Variants in RARB observed in about 807,000 individuals in gnomAD.
RARB encodes HBV-activated protein.
Under a neutral mutation model 51.9 loss-of-function variants are expected in RARB, and 17 were observed. The observed-to-expected ratio is 0.33, with a 90% CI of 0.22 to 0.49. RARB has a LOEUF of 0.49. Ranked by LOEUF, RARB falls within the 20% of genes least tolerant of loss-of-function variation. RARB has a pLI of 0.99. For synonymous variants in RARB, 215 were observed against 195.4 expected (o/e 1.10, Z -0.84); for missense variants, 369 against 550.8 (o/e 0.67, Z 3.30).
intron 5 of RARB, among the ~76,000 whole-genome samples, chr3:25,400,801 G>T (rs1707243085): frequency 6.6e-6 from 1 of 151,950 alleles, no homozygotes; most frequent in Non-Finnish European, 1.5e-5. Flanking sequence ...TTTTACTTCT[G>T]GCTGGGATGG....
At chr3:25,297,496 A>G (rs1431434196) in intron 5 of RARB, among the ~76,000 whole-genome samples, 1 of 144,278 alleles carries the variant, frequency 6.9e-6, no homozygotes. Flanking sequence ...TGCTTCCTCC[A>G]CAGAGATGTA....
chr3:25,325,318 A>C (rs1220419864), intron 5 of RARB, among the ~76,000 whole-genome samples: 1 of 152,042 alleles, frequency 6.6e-6, no homozygotes, highest in African/African-American at 2.4e-5. Flanking sequence ...TTTCATGGCC[A>C]TCTTGGTTTT....
intron 3 of RARB, among the ~76,000 whole-genome samples, chr3:25,523,788 G>A (rs775156648): frequency 1.2e-4 from 19 of 152,110 alleles, no homozygotes; most frequent in Non-Finnish European, 2.8e-4. Context: ...GGAGCTAAAG[G>A]GGGAAAAAAT....
intron 2 of RARB, among the ~76,000 whole-genome samples, chr3:24,997,844 A>G (rs1342178569): frequency 6.6e-6 from 1 of 152,192 alleles, no homozygotes; most frequent in East Asian, 1.9e-4. Flanking sequence ...CAGTCTACAT[A>G]TATGCATTAT....
chr3:24,868,072 G>C (rs74810292), intron 2 of RARB, among the ~76,000 whole-genome samples: 2 of 152,146 alleles, frequency 1.3e-5, no homozygotes, highest in African/African-American at 2.4e-5. Flanking sequence ...TGATATCCGA[G>C]TTGTAAGAAC....
chr3:25,467,772 A>G (rs1445868415), intron 2 of RARB, among the ~76,000 whole-genome samples: 1 of 152,206 alleles, frequency 6.6e-6, no homozygotes, highest in Non-Finnish European at 1.5e-5. Flanking sequence ...CTCTTCTGAC[A>G]ACCTTATTCA....
intron 3 of RARB, among the ~76,000 whole-genome samples, chr3:25,084,553 T>A (rs1430123371): frequency 6.6e-6 from 1 of 151,726 alleles, no homozygotes; most frequent in Non-Finnish European, 1.5e-5. Flanking sequence ...ATCCCTTCTC[T>A]ATGCAACATC....
intron 2 of RARB, among the ~76,000 whole-genome samples, chr3:25,041,996 A>T (rs1368935299): frequency 6.6e-6 from 1 of 152,098 alleles, no homozygotes; most frequent in Non-Finnish European, 1.5e-5. Flanking sequence ...GCAAACAATC[A>T]ATGAGAGAAG....
intron 5 of RARB, among the ~76,000 whole-genome samples, chr3:25,400,922 G>C (rs912255681): frequency 6.6e-6 from 1 of 151,928 alleles, no homozygotes; most frequent in African/African-American, 2.4e-5. Context: ...ATGTAAATCT[G>C]TTTTTAAGGT....
intron 5 of RARB, among the ~76,000 whole-genome samples, chr3:25,216,734 C>T (rs1701842103): frequency 6.7e-6 from 1 of 149,964 alleles, no homozygotes; most frequent in African/African-American, 2.5e-5. Flanking sequence ...ATAGGTACTA[C>T]ATATATATAT....
chr3:25,106,595 C>A (rs2125323630), intron 3 of RARB, among the ~76,000 whole-genome samples: 1 of 151,254 alleles, frequency 6.6e-6, no homozygotes, highest in East Asian at 2.0e-4. Context: ...GAGCCCATGG[C>A]ACCTGGCTCA....
At chr3:25,012,605 G>C (rs573931219) in intron 2 of RARB, among the ~76,000 whole-genome samples, 2 of 152,210 alleles carry the variant, frequency 1.3e-5, no homozygotes, top group African/African-American at 4.8e-5. Flanking sequence ...CTCTATCATT[G>C]CTTCTGTAGT....
intron 5 of RARB, among the ~76,000 whole-genome samples, chr3:25,242,358 T>G (rs1263485065): frequency 6.6e-6 from 1 of 152,216 alleles, no homozygotes; most frequent in Non-Finnish European, 1.5e-5. Flanking sequence ...GCTTTTGGTG[T>G]TTTGGTCATG....
chr3:24,918,894 A>C (rs1695161256), intron 2 of RARB, among the ~76,000 whole-genome samples: 1 of 151,696 alleles, frequency 6.6e-6, no homozygotes, highest in Non-Finnish European at 1.5e-5. Flanking sequence ...TCAAAAAATA[A>C]ATAAAATTAA....
At chr3:25,267,404 C>T (rs4681043) in intron 5 of RARB, among the ~76,000 whole-genome samples, 117,781 of 152,138 alleles carry the variant, frequency 0.77, 45,995 homozygotes, top group East Asian at 0.85. Context: ...CCGCAACCCC[C>T]GTCTTTCACC....
At chr3:25,307,357 A>C (rs1448295741) in intron 5 of RARB, among the ~76,000 whole-genome samples, 3 of 151,926 alleles carry the variant, frequency 2.0e-5, no homozygotes, top group Admixed American at 6.6e-5. Flanking sequence ...ACCACACTCC[A>C]GCCTTTGAGA....
Position 25,146,248 on chromosome 3 carries a change from G to A in RARB, c.-280+14040G>A, listed in dbSNP as rs945050295. ...TTGTTATTATTTATCAACTACTCTT[G>A]ATCTAAATGTTCAATTAGTTCAGAA... On this transcript the variant is annotated intron_variant, in intron 4 of 11. Coordinates refer to the RARB transcript ENST00000383772. Among the ~76,000 whole-genome samples the A allele has an allele frequency of 3.9e-5, 6 of 152,230 alleles. No homozygotes were observed. In the South Asian group the frequency reaches 1.0e-3, roughly 26 times the overall value.
intron 2 of RARB, among the ~76,000 whole-genome samples, chr3:25,038,658 G>A (rs1226262656): frequency 6.6e-6 from 1 of 152,106 alleles, no homozygotes; most frequent in Non-Finnish European, 1.5e-5. Context: ...TTCATTATTA[G>A]CTTCCCAGGG....
chr3:25,535,562 C>G (rs977366242), intron 3 of RARB, among the ~76,000 whole-genome samples: 23 of 152,060 alleles, frequency 1.5e-4, no homozygotes, highest in African/African-American at 5.6e-4. Flanking sequence ...CATCCTCTAG[C>G]CCCCCAGCCC....
Sources: gnomAD v4.1 joint callset for allele counts (sites outside exome capture counted in the v4.1 genomes callset) on GRCh38, gnomAD v4.1.1 for gene constraint, MANE v1.5 for transcripts, NCBI Gene and HGNC (gene_info 2026-07-23, HGNC 2026-07-21) for gene names.